Variants in CORIN observed in about 807,000 individuals in gnomAD.
CORIN encodes corin, serine peptidase, also known as atrial natriuretic peptide-converting enzyme.
Under a neutral mutation model 125.3 loss-of-function variants are expected in CORIN, and 117 were observed. That is an observed-to-expected ratio of 0.93 (90% CI 0.80 to 1.09). The LOEUF (loss-of-function observed/expected upper bound fraction) is 1.09, where lower values mean the gene tolerates loss of function less well. Ranked by LOEUF, CORIN falls within the 50% of genes least tolerant of loss-of-function variation. CORIN has a pLI of 0.00. For missense variants in CORIN, 1,253 were observed against 1,306.7 expected (o/e 0.96, Z 0.63); for synonymous variants, 450 against 466.4 (o/e 0.96, Z 0.45).
chr4:47,680,916 C>T (rs1486408406), intron 7 of CORIN: 1 of 152,064 alleles, frequency 6.6e-6, no homozygotes, highest in Non-Finnish European at 1.5e-5. Context: ...CATGCCTGGC[C>T]TTATATCCAA....
chr4:47,671,174 C>T (rs1246073093), intron 10 of CORIN, among the ~76,000 whole-genome samples: 1 of 152,162 alleles, frequency 6.6e-6, no homozygotes, highest in African/African-American at 2.4e-5. Context: ...ATGACTGGGT[C>T]CCACCCAATA....
chr4:47,663,229 C>T (rs999717809), intron 11 of CORIN, among the ~76,000 whole-genome samples: 1 of 152,090 alleles, frequency 6.6e-6, no homozygotes, highest in Non-Finnish European at 1.5e-5. Flanking sequence ...TCTGATGATA[C>T]ACACTTCAAA....
chr4:47,690,390 A>C (rs1342551256), intron 6 of CORIN, among the ~76,000 whole-genome samples: 3 of 152,220 alleles, frequency 2.0e-5, no homozygotes, highest in African/African-American at 4.8e-5. Flanking sequence ...TCCTATGCTG[A>C]TAATTAAATC....
At chr4:47,725,584 A>C (rs1727556111) in intron 5 of CORIN, among the ~76,000 whole-genome samples, 1 of 152,130 alleles carries the variant, frequency 6.6e-6, no homozygotes, top group South Asian at 2.1e-4. Context: ...AAAGGAAAAA[A>C]ATACCACTTG....
intron 5 of CORIN, among the ~76,000 whole-genome samples, chr4:47,698,216 G>A (rs1317243094): frequency 6.6e-6 from 1 of 151,826 alleles, no homozygotes; most frequent in Non-Finnish European, 1.5e-5. Flanking sequence ...ATGAAGAAGA[G>A]AGTACTGCAG....
rs1335411221 is a variant in CORIN, at chr4:47,595,415, G to A, written c.*306C>T. 5.0e-6 allele frequency: 1 copy of A among 201,340 alleles called. No individual in the cohort carries two copies. The highest frequency in any genetic ancestry group is 1.0e-5 in the Non-Finnish European group (1 of 99,564). 12.5% of individuals were successfully genotyped at this position (201,340 alleles called of 1,614,324 possible). A position where few individuals can be genotyped will look rare whatever the true frequency, so the allele number is the denominator to read the frequency against. Reference sequence around the variant, plus strand: ...TCCATAACCTGTTACTGTAGCACCTGATTTTAAATCTCGCCAGAGTCGATA... The same window carrying A: ...TCCATAACCTGTTACTGTAGCACCTAATTTTAAATCTCGCCAGAGTCGATA... On this transcript the variant is annotated 3_prime_UTR_variant, in exon 22 of 22. Coordinates refer to ENST00000273857, the MANE Select transcript of CORIN (RefSeq NM_006587.4).
At chr4:47,641,546 A>C (rs527345464) in intron 16 of CORIN, among the ~76,000 whole-genome samples, 182 of 152,320 alleles carry the variant, frequency 1.2e-3, no homozygotes, top group African/African-American at 4.2e-3. Context: ...AGCTTATTTA[A>C]AAATGTGTGT....
At chr4:47,783,983 G>T (rs942832565) in intron 3 of CORIN, among the ~76,000 whole-genome samples, 12 of 152,088 alleles carry the variant, frequency 7.9e-5, no homozygotes, top group South Asian at 6.2e-4. Flanking sequence ...AAACTTGAAA[G>T]AGCACTGATC....
chr4:47,785,865 T>A (rs1730771430), intron 3 of CORIN, among the ~76,000 whole-genome samples: 1 of 146,818 alleles, frequency 6.8e-6, no homozygotes, highest in Non-Finnish European at 1.5e-5. Flanking sequence ...TGAGCTGAGA[T>A]TGTGCTACTG....
intron 7 of CORIN, 190 bp downstream of exon 7, chr4:47,683,541 G>A (rs1364712945): frequency 2.2e-6 from 1 of 464,896 alleles, no homozygotes; most frequent in Non-Finnish European, 3.8e-6. Flanking sequence ...TGATTTTTTA[G>A]GTATTACATT....
At chr4:47,823,580 A>G (rs1351449717) in intron 1 of CORIN, among the ~76,000 whole-genome samples, 4 of 152,124 alleles carry the variant, frequency 2.6e-5, no homozygotes, top group Non-Finnish European at 5.9e-5. Flanking sequence ...ATTTATTTCT[A>G]TATCTATCTT....
chr4:47,731,697 C>T lies in CORIN; in HGVS notation c.799+12705G>A, dbSNP rs554234812. ...TAGCCTGGCCAACATGGTGAAACCCCATCTCTACCAATAATACAAAAATTA... is the reference window on the plus strand; with the variant it reads ...TAGCCTGGCCAACATGGTGAAACCCTATCTCTACCAATAATACAAAAATTA... On this transcript the variant is annotated intron_variant, in intron 5 of 21. Coordinates refer to ENST00000273857, the MANE Select transcript of CORIN (RefSeq NM_006587.4). 5.3e-5 allele frequency among the ~76,000 whole-genome samples: 8 copies of T among 152,120 alleles called. 1 individual carries two copies. The highest frequency in any genetic ancestry group is 2.6e-4 in the Admixed American group (4 of 15,290).
chr4:47,700,683 G>A (rs1045031621), intron 5 of CORIN, among the ~76,000 whole-genome samples: 1 of 152,200 alleles, frequency 6.6e-6, no homozygotes. Context: ...ACAGGGCCAT[G>A]GTCCCCAGGG....
chr4:47,792,916 T>C (rs944557944), intron 2 of CORIN, among the ~76,000 whole-genome samples: 10 of 152,220 alleles, frequency 6.6e-5, no homozygotes, highest in African/African-American at 2.2e-4. Context: ...TTAACTATTG[T>C]TGTTTGTAAA....
intron 11 of CORIN, among the ~76,000 whole-genome samples, chr4:47,662,129 CT>C (rs1260404740): frequency 6.6e-6 from 1 of 152,242 alleles, no homozygotes; most frequent in Non-Finnish European, 1.5e-5. Flanking sequence ...ATTCCCTTCT[CT>C]ACACTGCCTT....
chr4:47,824,105 C>T (rs1165517399), intron 1 of CORIN, among the ~76,000 whole-genome samples: 1 of 149,628 alleles, frequency 6.7e-6, no homozygotes, highest in Non-Finnish European at 1.5e-5. Context: ...GGAAAGCAAT[C>T]AATGCTATTC....
rs1285298815 is a variant in CORIN at position 47,763,476 on chromosome 4, A to G, written c.520T>C (p.Phe174Leu). 3 of 1,614,100 alleles carry G rather than the reference A, an allele frequency of 1.9e-6. No individual in the cohort carries two copies. In the Admixed American group the frequency reaches 5.0e-5, roughly 27 times the overall value. The change falls in exon 4 of 22, where the codon TTT becomes CTT. Residue 174 changes from phenylalanine to leucine, a missense_variant. Coordinates refer to ENST00000273857, the MANE Select transcript of CORIN (RefSeq NM_006587.4). ...CTGAGGCGATGGAGATATGTGAAAA[A>G]CTTGAGGAACTTTTCCATTTCCATG... Reference protein sequence around the residue: ...RNMEMEKFLKFFTYLHRLSCY... With the variant: ...RNMEMEKFLKLFTYLHRLSCY...
chr4:47,770,207 A>T (rs1296353181), intron 3 of CORIN, among the ~76,000 whole-genome samples: 1 of 152,168 alleles, frequency 6.6e-6, no homozygotes, highest in African/African-American at 2.4e-5. Context: ...CTAAATAGAC[A>T]TTTCACAAAA....
chr4:47,742,824 G>C (rs1247741589), intron 5 of CORIN, among the ~76,000 whole-genome samples: 1 of 152,128 alleles, frequency 6.6e-6, no homozygotes, highest in African/African-American at 2.4e-5. Context: ...AAAGATAGAG[G>C]ACATATAATA....
Sources: allele counts gnomAD v4.1 joint callset (sites outside exome capture counted in the v4.1 genomes callset), GRCh38; gene constraint gnomAD v4.1.1; transcripts MANE v1.5; gene names NCBI Gene and HGNC (gene_info 2026-07-23, HGNC 2026-07-21).